The following SEMA4B variants were observed in gnomAD, a reference collection of about 807,000 sequenced individuals.
SEMA4B encodes the protein semaphorin 4B.
In SEMA4B, 55 loss-of-function variants were observed where a neutral mutation model predicts 88.1. The observed-to-expected ratio is 0.62, with a 90% CI of 0.50 to 0.78. SEMA4B has a LOEUF of 0.78. Among genes scored for constraint, SEMA4B ranks in the 30% least tolerant of loss-of-function variants. SEMA4B has a pLI of 0.00. For synonymous variants in SEMA4B, 525 were observed against 473.6 expected (o/e 1.11, Z -1.41); for missense variants, 1,062 against 1,111.9 (o/e 0.96, Z 0.64).
chr15:90,210,522 C>A (rs1394797530), intron 1 of SEMA4B, among the ~76,000 whole-genome samples: 1 of 152,142 alleles, frequency 6.6e-6, no homozygotes, highest in African/African-American at 2.4e-5. Flanking sequence ...GGCCCAGGGT[C>A]GGGCGGCATC....
chr15:90,206,712 A>G, intron 1 of SEMA4B: 1 of 744,386 alleles, frequency 1.3e-6, no homozygotes, highest in South Asian at 1.5e-5. Context: ...CGCCAAGCCC[A>G]TCTTTGTGTG....
Position 90,201,472 on chromosome 15 carries a change from G to T in SEMA4B, c.-107G>T, listed in dbSNP as rs1960718713. 2 of 1,306,462 alleles carry T rather than the reference G, an allele frequency of 1.5e-6. No homozygotes were observed. The highest frequency in any genetic ancestry group is 3.2e-5 in the East Asian group (1 of 31,248). 80.9% of individuals were successfully genotyped at this position (1,306,462 alleles called of 1,614,324 possible). The stretch of plus-strand genomic sequence containing the variant: ...CCGCCCCCCAGGTCCGGAGGCGGGG[G>T]CCCCCGGGGCGACTCGGGGGCGGAC... On this transcript the variant is annotated 5_prime_UTR_variant, in exon 1 of 14. Coordinates refer to ENST00000411539, the MANE Select transcript of SEMA4B (RefSeq NM_198925.4).
chr15:90,194,889 C>G, intron 1 of SEMA4B, among the ~76,000 whole-genome samples: 1 of 152,234 alleles, frequency 6.6e-6, no homozygotes, highest in East Asian at 1.9e-4. Flanking sequence ...TTGTAGACAT[C>G]GTGACATTTC....
intron 1 of SEMA4B, chr15:90,191,892 TACA>T (rs1283921619): frequency 6.6e-6 from 1 of 152,296 alleles, no homozygotes; most frequent in Non-Finnish European, 1.5e-5. Context: ...TTTGAAAGAA[TACA>T]CAGGGTGTGC....
intron 1 of SEMA4B, among the ~76,000 whole-genome samples, chr15:90,192,266 A>G (rs1318732397): frequency 6.6e-6 from 1 of 152,210 alleles, no homozygotes; most frequent in Non-Finnish European, 1.5e-5. Flanking sequence ...ACAAAGCAAC[A>G]ACTCCCAGAG....
chr15:90,227,773 GA>G (rs1224837207), intron 13 of SEMA4B, 130 bp from the exon 14 acceptor site: 1 of 1,476,172 alleles, frequency 6.8e-7, no homozygotes, highest in Non-Finnish European at 9.2e-7. Flanking sequence ...AGGTCCCCAG[GA>G]AGACTCAGTC....
Position 90,203,339 on chromosome 15 carries a change from C to T in SEMA4B, c.157+1604C>T, listed in dbSNP as rs1213475585. On this transcript the variant is annotated intron_variant, in intron 1 of 13. Coordinates refer to ENST00000411539, the MANE Select transcript of SEMA4B (RefSeq NM_198925.4). ...TGCTACTTCTGTTGTGGCCACAACT[C>T]CCTTTGCCCTCAGACCCTCTCATTT... 3.3e-5 allele frequency among the ~76,000 whole-genome samples: 5 copies of T among 152,114 alleles called. No individual in the cohort carries two copies. In the South Asian group the frequency reaches 6.2e-4, roughly 19 times the overall value.
chr15:90,224,868 G>C, intron 9 of SEMA4B, 100 bp from the exon 10 acceptor site: 1 of 981,044 alleles, frequency 1.0e-6, no homozygotes, highest in Non-Finnish European at 1.6e-6. Flanking sequence ...GCTCCGGGCG[G>C]GGGGACAGAC....
chr15:90,218,872 G>T (rs962035120), intron 3 of SEMA4B, among the ~76,000 whole-genome samples: 3 of 152,174 alleles, frequency 2.0e-5, no homozygotes, highest in Admixed American at 2.0e-4. Context: ...ATGGAATGAG[G>T]TGGTCAGGTA....
intron 13 of SEMA4B, 32 bp from the exon 14 acceptor site, chr15:90,227,872 A>AC (rs776444284): frequency 6.2e-7 from 1 of 1,604,978 alleles, no homozygotes; most frequent in South Asian, 1.1e-5. Flanking sequence ...GGACGCTGGC[A>AC]CCCCCCTACC....
intron 1 of SEMA4B, among the ~76,000 whole-genome samples, chr15:90,189,965 G>A (rs926248777): frequency 2.6e-5 from 4 of 152,178 alleles, no homozygotes; most frequent in Admixed American, 2.6e-4. Flanking sequence ...GTCTTTCAAG[G>A]GGTTTGTGGA....
intron 13 of SEMA4B, 90 bp downstream of exon 13, chr15:90,227,732 C>A: frequency 6.7e-7 from 1 of 1,483,796 alleles, no homozygotes; most frequent in South Asian, 1.2e-5. Context: ...AAATGCCTTT[C>A]CTCACTTCCT....
At position 90,201,535 on chromosome 15, in the gene SEMA4B, C is replaced by T. The variant is rs1333711257; in HGVS notation, c.-44C>T. On this transcript the variant is annotated 5_prime_UTR_variant, in exon 1 of 14. Transcript: ENST00000411539. ...CTGCCGCCCGTGAGTCCGGCCGAGC[C>T]ACCTGAGCCCGAGCCGCGGGACACC... 2 of 1,365,678 alleles carry T rather than the reference C, an allele frequency of 1.5e-6. No homozygotes were observed. Among genetic ancestry groups the T allele is most frequent in the Admixed American group, 3.6e-5 (1 of 27,602 alleles). 84.6% of individuals were successfully genotyped at this position (1,365,678 alleles called of 1,614,324 possible).
chr15:90,222,737 T>C (rs1961925278), intron 7 of SEMA4B, among the ~76,000 whole-genome samples: 1 of 152,098 alleles, frequency 6.6e-6, no homozygotes, highest in South Asian at 2.1e-4. Context: ...GTTAACAGTT[T>C]CCTCTTCTGT....
rs1960810168 is a variant in SEMA4B at position 90,202,795 on chromosome 15, G to A, written c.157+1060G>A. On this transcript the variant is annotated intron_variant, in intron 1 of 13. Coordinates refer to ENST00000411539, the MANE Select transcript of SEMA4B (RefSeq NM_198925.4). ...AAGCATGTATGAATTAGAGGTTACA[G>A]ACTGAAACTGTCCCAGACTTCCATC... Among the ~76,000 whole-genome samples the A allele has an allele frequency of 2.0e-5, 3 of 152,342 alleles. No individual in the cohort carries two copies. In the South Asian group the frequency reaches 6.2e-4, roughly 32 times the overall value.
At chr15:90,222,029 T>A (rs959555551) in intron 7 of SEMA4B, among the ~76,000 whole-genome samples, 2 of 151,466 alleles carry the variant, frequency 1.3e-5, no homozygotes, top group African/African-American at 4.8e-5. Flanking sequence ...AGCCTCGACC[T>A]CCTGGGCTCA....
At chr15:90,202,128 A>G (rs2151594079) in intron 1 of SEMA4B, among the ~76,000 whole-genome samples, 1 of 152,238 alleles carries the variant, frequency 6.6e-6, no homozygotes, top group East Asian at 1.9e-4. Flanking sequence ...TCCTATAAAC[A>G]CTGGGGTTCT....
At chr15:90,192,363 T>C (rs961379942) in intron 1 of SEMA4B, among the ~76,000 whole-genome samples, 1 of 152,144 alleles carries the variant, frequency 6.6e-6, no homozygotes, top group Non-Finnish European at 1.5e-5. Context: ...GCAGGGACCA[T>C]CCATGCCCAA....
intron 2 of SEMA4B, 76 bp downstream of exon 2, chr15:90,217,678 C>G: frequency 6.2e-7 from 1 of 1,604,388 alleles, no homozygotes; most frequent in Non-Finnish European, 8.5e-7. Flanking sequence ...GCTTGACCTT[C>G]TGGGTCCAAG....
Sources: allele counts gnomAD v4.1 joint callset (sites outside exome capture counted in the v4.1 genomes callset), GRCh38; gene constraint gnomAD v4.1.1; transcripts MANE v1.5; gene names NCBI Gene and HGNC (gene_info 2026-07-23, HGNC 2026-07-21).